The following COL18A1 variants were observed in gnomAD, a reference collection of about 807,000 sequenced individuals.
COL18A1 encodes collagen alpha-1(XVIII) chain.
In COL18A1, 133 loss-of-function variants were observed where a neutral mutation model predicts 168.0. The ratio of observed to expected loss-of-function variants is 0.79; its 90% CI spans 0.69 to 0.91. The LOEUF (loss-of-function observed/expected upper bound fraction) is 0.91. Among genes scored for constraint, COL18A1 ranks in the 40% least tolerant of loss-of-function variants. The pLI, the probability that COL18A1 is intolerant of heterozygous loss-of-function variation, is 0.00. For missense variants in COL18A1, 2,126 were observed against 1,925.4 expected, an observed-to-expected ratio of 1.10 and a Z score of -1.95; for synonymous variants, 949 against 809.0, an observed-to-expected ratio of 1.17 and a Z score of -2.94.
At chr21:45,507,791 G>A (rs554932236) in intron 38 of COL18A1, among the ~76,000 whole-genome samples, 198 bp downstream of exon 38, 116 of 152,290 alleles carry the variant, frequency 7.6e-4, no homozygotes, top group African/African-American at 2.7e-3. Flanking sequence ...CAGTACCTCC[G>A]TCTCAGCTGC....
rs1220724564 is a variant in COL18A1, at chr21:45,405,204, C to G, written c.-27C>G. ...CACCGCGGCGGAGGAGGCAGCATCC[C>G]GCGGCGCTGACGGTCCTGGGGAGAG... On this transcript the variant is annotated 5_prime_UTR_variant, in exon 1 of 42. Transcript: ENST00000651438. 3.0e-6 allele frequency: 1 copy of G among 337,706 alleles called. No homozygotes were observed. Among genetic ancestry groups the G allele is most frequent in the Non-Finnish European group, 5.1e-6 (1 of 195,588 alleles). The allele number at this position is 337,706 out of a possible 1,614,324, so 20.9% of individuals were successfully genotyped here.
intron 37 of COL18A1, chr21:45,507,124 GGC>G (rs2037255778): frequency 4.9e-6 from 1 of 205,882 alleles, no homozygotes; most frequent in Non-Finnish European, 9.2e-6. Context: ...CTGGGTGCTG[GGC>G]AGGGAGGGCA....
intron 2 of COL18A1, among the ~76,000 whole-genome samples, chr21:45,452,901 A>G (rs1290554218): frequency 6.6e-6 from 1 of 151,742 alleles, no homozygotes; most frequent in East Asian, 1.9e-4. Flanking sequence ...ACATGTGAGC[A>G]TGTATGTACA....
chr21:45,410,531 G>A lies in COL18A1; in HGVS notation c.106+5058G>A, dbSNP rs571348447. Among the ~76,000 whole-genome samples, 239 of 152,196 alleles carry A rather than the reference G, an allele frequency of 1.6e-3. 1 individual carries two copies. Among genetic ancestry groups the A allele is most frequent in the African/African-American group, 4.5e-3 (185 of 41,528 alleles). On this transcript the variant is annotated intron_variant, in intron 2 of 41. Coordinates refer to ENST00000651438, the MANE Select transcript of COL18A1 (RefSeq NM_001379500.1). The stretch of plus-strand genomic sequence containing the variant: ...AGGGAGCGTGATTGGTTACGGTGGC[G>A]GAACTCGCACCCACCCCCGCAGCCG...
intron 5 of COL18A1, among the ~76,000 whole-genome samples, chr21:45,475,943 C>T (rs2035632797): frequency 2.0e-5 from 3 of 152,262 alleles, no homozygotes; most frequent in African/African-American, 4.8e-5. Context: ...CTTTCCCCAG[C>T]TCGGGCCACC....
chr21:45,511,937 A>C (rs947108432), intron 41 of COL18A1, among the ~76,000 whole-genome samples: 1 of 152,226 alleles, frequency 6.6e-6, no homozygotes, highest in South Asian at 2.1e-4. Context: ...AGCCAGGCCA[A>C]GCCCTGGCCC....
At chr21:45,499,615 C>T (rs1309681975) in intron 32 of COL18A1, among the ~76,000 whole-genome samples, 2 of 152,110 alleles carry the variant, frequency 1.3e-5, no homozygotes, top group African/African-American at 2.4e-5. Flanking sequence ...GTCAGAGGCT[C>T]CCGCAGGAAC....
intron 2 of COL18A1, among the ~76,000 whole-genome samples, chr21:45,431,617 G>A (rs1343936291): frequency 6.6e-6 from 1 of 151,920 alleles, no homozygotes; most frequent in Non-Finnish European, 1.5e-5. Context: ...ACGGCCCACA[G>A]GAGGGTGGAC....
At chr21:45,437,154 TCAGACACAGG>T (rs2034135868) in intron 2 of COL18A1, among the ~76,000 whole-genome samples, 2 of 73,858 alleles carry the variant, frequency 2.7e-5, no homozygotes, top group African/African-American at 7.3e-5. Context: ...ACACTCACAC[TCAGACACAGG>T]CACTCTCCTG....
chr21:45,500,316 G>A (rs1397783444), intron 32 of COL18A1, among the ~76,000 whole-genome samples: 1 of 76,110 alleles, frequency 1.3e-5, no homozygotes. Context: ...GTGTGTAGTG[G>A]GGGTGTGAGG....
intron 28 of COL18A1, 106 bp from the exon 29 acceptor site, chr21:45,495,252 C>T (rs1568927467): frequency 1.1e-6 from 1 of 914,692 alleles, no homozygotes; most frequent in South Asian, 1.4e-5. Flanking sequence ...TGAGGCTGAG[C>T]GTGGGCCGGC....
rs755702712 is a variant in COL18A1, at chr21:45,497,142, C to G, written c.2620+50C>G. On this transcript the variant is annotated intron_variant, in intron 31 of 41. Transcript: ENST00000651438. ...GGGACACAGGCTCTGAAGGGATGCT[C>G]CAGAGCCCCACCTTCCTTCCCGTGC... 14 of 1,165,176 alleles carry G rather than the reference C, an allele frequency of 1.2e-5. No homozygotes were observed. The African/African-American group carries it at 2.0e-4, about 16-fold the overall frequency. 72.2% of individuals were successfully genotyped at this position (1,165,176 alleles called of 1,614,324 possible).
chr21:45,467,976 G>A (rs965131410), intron 2 of COL18A1, among the ~76,000 whole-genome samples: 6 of 152,164 alleles, frequency 3.9e-5, no homozygotes, highest in African/African-American at 7.2e-5. Context: ...ACCATGTCCC[G>A]TGCAGACACC....
intron 2 of COL18A1, among the ~76,000 whole-genome samples, chr21:45,467,709 G>A (rs934206157): frequency 5.9e-5 from 9 of 152,298 alleles, no homozygotes; most frequent in African/African-American, 2.2e-4. Context: ...TGGCTTCACA[G>A]TGGAGGCCAG....
chr21:45,450,655 G>A (rs2034600959), intron 2 of COL18A1, among the ~76,000 whole-genome samples: 1 of 152,248 alleles, frequency 6.6e-6, no homozygotes, highest in Non-Finnish European at 1.5e-5. Context: ...GAGACAGTGG[G>A]AGGGTGGAAC....
At chr21:45,420,844 G>C (rs1460700001) in intron 2 of COL18A1, 9 of 153,460 alleles carry the variant, frequency 5.9e-5, no homozygotes, top group Admixed American at 5.8e-4. Context: ...GTGCTGGGGT[G>C]GGGTGAACAG....
chr21:45,493,340 C>T (rs546262917), intron 25 of COL18A1, 115 bp downstream of exon 25: 17 of 1,322,840 alleles, frequency 1.3e-5, no homozygotes, highest in African/African-American at 2.9e-5. Context: ...TGCTGTGACA[C>T]GTGAGGGGTA....
chr21:45,492,866 G>A (rs2036401903), intron 24 of COL18A1, among the ~76,000 whole-genome samples, 153 bp downstream of exon 24: 1 of 152,238 alleles, frequency 6.6e-6, no homozygotes, highest in Admixed American at 6.5e-5. Context: ...GGAGTGGGAT[G>A]TGGGCGAGAG....
intron 2 of COL18A1, among the ~76,000 whole-genome samples, chr21:45,441,065 G>A (rs989373120): frequency 6.6e-6 from 1 of 152,160 alleles, no homozygotes; most frequent in Non-Finnish European, 1.5e-5. Context: ...CCGCCTTTCC[G>A]CTCCAAGCTC....
Sources: gnomAD v4.1 joint callset for allele counts (sites outside exome capture counted in the v4.1 genomes callset) on GRCh38, gnomAD v4.1.1 for gene constraint, MANE v1.5 for transcripts, NCBI Gene and HGNC (gene_info 2026-07-23, HGNC 2026-07-21) for gene names.